The following SLC25A26 variants were observed in gnomAD, a reference collection of about 807,000 sequenced individuals.
SLC25A26 encodes mitochondrial S-adenosylmethionine carrier protein.
Under a neutral mutation model 37.8 loss-of-function variants are expected in SLC25A26, and 36 were observed. That is an observed-to-expected ratio of 0.95 (90% CI 0.73 to 1.26). The LOEUF (loss-of-function observed/expected upper bound fraction) is 1.26, where lower values mean the gene tolerates loss of function less well. Among genes scored for constraint, SLC25A26 ranks in the 50% most tolerant of loss-of-function variants. The pLI is 0.00. For missense variants in SLC25A26, 390 were observed against 331.1 expected, an observed-to-expected ratio of 1.18 and a Z score of -1.38; for synonymous variants, 129 against 122.5, an observed-to-expected ratio of 1.05 and a Z score of -0.35.
At chr3:66,208,870 G>GTATATATA (rs1553655942) in intron 1 of SLC25A26, among the ~76,000 whole-genome samples, 38 of 55,902 alleles carry the variant, frequency 6.8e-4, no homozygotes, top group South Asian at 4.6e-3. Flanking sequence ...ATGGGTGTGT[G>GTATATATA]TATATATATA....
chr3:66,268,493 A>G (rs1459522743), intron 5 of SLC25A26, among the ~76,000 whole-genome samples: 1 of 152,236 alleles, frequency 6.6e-6, no homozygotes, highest in Admixed American at 6.5e-5. Context: ...TATATCTGAG[A>G]ACAGTTTTAT....
intron 5 of SLC25A26, among the ~76,000 whole-genome samples, chr3:66,264,686 C>T (rs760354833): frequency 7.6e-4 from 116 of 152,162 alleles, no homozygotes; most frequent in Non-Finnish European, 1.3e-3. Flanking sequence ...CACCACTGGT[C>T]CATGGAAAAT....
chr3:66,254,057 A>C (rs142807171), intron 3 of SLC25A26, among the ~76,000 whole-genome samples: 1 of 152,332 alleles, frequency 6.6e-6, no homozygotes, highest in East Asian at 1.9e-4. Flanking sequence ...TAATACCTAC[A>C]ACGATTGAAC....
At chr3:66,170,471 T>C (rs1461098388) in intron 1 of SLC25A26, among the ~76,000 whole-genome samples, 7 of 152,192 alleles carry the variant, frequency 4.6e-5, no homozygotes, top group South Asian at 2.1e-4. Flanking sequence ...ACCACACTTA[T>C]AGAATTGTGA....
chr3:66,219,180 T>C (rs1244392512), upstream of SLC25A26, among the ~76,000 whole-genome samples: 13 of 152,144 alleles, frequency 8.5e-5, no homozygotes, highest in Non-Finnish European at 7.3e-5. Flanking sequence ...AGTGAAAGCT[T>C]ATTAATAGAA....
At chr3:66,230,904 G>A (rs1363247546) in intron 1 of SLC25A26, among the ~76,000 whole-genome samples, 3 of 151,874 alleles carry the variant, frequency 2.0e-5, no homozygotes, top group Admixed American at 6.6e-5. Context: ...ACTGGGTGCA[G>A]TGGCTTATGC....
Position 66,343,966 on chromosome 3 carries a change from T to G in SLC25A26, c.454-2398T>G, listed in dbSNP as rs77765111. 2.0e-3 allele frequency among the ~76,000 whole-genome samples: 312 copies of G among 152,308 alleles called. 2 individuals carry two copies. Among genetic ancestry groups the G allele is most frequent in the African/African-American group, 7.1e-3 (297 of 41,544 alleles). ...TCTATTTAACTACTGTTATGGAACT[T>G]CGACATTCGGGGGGGCTGGCTGCCT... On this transcript the variant is annotated intron_variant, in intron 5 of 9. Coordinates refer to ENST00000354883, the MANE Select transcript of SLC25A26 (RefSeq NM_001379210.1).
rs890053125 is a variant in SLC25A26, at chr3:66,243,391, T to C, written c.300+79T>C. 5.4e-5 allele frequency: 37 copies of C among 688,134 alleles called. No individual in the cohort carries two copies. The African/African-American group carries it at 6.4e-4, about 12-fold the overall frequency. The allele number at this position is 688,134 out of a possible 1,614,324, so 42.6% of individuals were successfully genotyped here. On this transcript the variant is annotated intron_variant, in intron 3 of 9. Transcript: ENST00000354883. Reference sequence around the variant, plus strand: ...ATTTTCAGTACATATTTATTTCATTTTTTAAAAATTATTTTTAAATTATGA... The same window carrying C: ...ATTTTCAGTACATATTTATTTCATTCTTTAAAAATTATTTTTAAATTATGA...
chr3:66,352,420 C>CGTTTTTT (rs898701532), intron 6 of SLC25A26, among the ~76,000 whole-genome samples: 5 of 140,430 alleles, frequency 3.6e-5, no homozygotes, highest in Non-Finnish European at 7.4e-5. Flanking sequence ...CGCCTCCCCT[C>CGTTTTTT]GTTTTTTGTT....
intron 5 of SLC25A26, among the ~76,000 whole-genome samples, chr3:66,296,074 A>G (rs1378911272): frequency 1.6e-4 from 25 of 152,044 alleles, no homozygotes; most frequent in Admixed American, 1.5e-3. Flanking sequence ...CCGTGATCGC[A>G]CCATTGCACT....
chr3:66,193,657 GA>G (rs1399660801), intron 1 of SLC25A26, among the ~76,000 whole-genome samples: 39 of 147,456 alleles, frequency 2.6e-4, no homozygotes, highest in Admixed American at 7.5e-4. Flanking sequence ...TTCTAACCTT[GA>G]AAAAAAAAAC....
chr3:66,221,258 C>T, intron 1 of SLC25A26, 131 bp downstream of exon 1: 1 of 1,023,084 alleles, frequency 9.8e-7, no homozygotes, highest in Non-Finnish European at 1.3e-6. Context: ...GCAGCCAGGT[C>T]TGAGAGGGAG....
chr3:66,176,767 G>T (rs1336524673), intron 1 of SLC25A26, among the ~76,000 whole-genome samples: 1 of 152,128 alleles, frequency 6.6e-6, no homozygotes, highest in Non-Finnish European at 1.5e-5. Context: ...TCTCCTAAGG[G>T]TCCTCTCCTG....
chr3:66,179,284 G>T (rs1383296204), intron 1 of SLC25A26, among the ~76,000 whole-genome samples: 1 of 152,144 alleles, frequency 6.6e-6, no homozygotes, highest in Non-Finnish European at 1.5e-5. Flanking sequence ...TTGCCGATTT[G>T]ATATTGATAT....
intron 5 of SLC25A26, among the ~76,000 whole-genome samples, chr3:66,308,228 G>T (rs918731509): frequency 6.6e-6 from 1 of 152,088 alleles, no homozygotes. Context: ...TCTCTTGTAA[G>T]TTGTATTCCT....
intron 1 of SLC25A26, among the ~76,000 whole-genome samples, chr3:66,200,041 C>T (rs1429788039): frequency 6.6e-6 from 1 of 152,170 alleles, no homozygotes; most frequent in Non-Finnish European, 1.5e-5. Flanking sequence ...CTTGCCTAAA[C>T]TTTTGCTGCT....
chr3:66,190,844 G>C (rs2070928519), intron 1 of SLC25A26, among the ~76,000 whole-genome samples: 1 of 152,224 alleles, frequency 6.6e-6, no homozygotes, highest in Non-Finnish European at 1.5e-5. Flanking sequence ...TGAGGACAGT[G>C]TGTAAATATG....
intron 5 of SLC25A26, among the ~76,000 whole-genome samples, chr3:66,322,997 GTAT>G (rs2075737300): frequency 6.8e-6 from 1 of 146,518 alleles, no homozygotes; most frequent in African/African-American, 2.4e-5. Flanking sequence ...GATAAGTAAG[GTAT>G]TATAAAACTC....
rs540818929 is a variant in SLC25A26, at chr3:66,244,548, G to A, written c.300+1236G>A. Among the ~76,000 whole-genome samples the A allele has an allele frequency of 3.9e-5, 6 of 152,282 alleles. No homozygotes were observed. The South Asian group carries it at 1.0e-3, about 26-fold the overall frequency. Reference sequence around the variant, plus strand: ...GCATAATTGGAACTTAATAACAATAGCCCACAGGGCCAGTTTTAGTGAATA... The same window carrying A: ...GCATAATTGGAACTTAATAACAATAACCCACAGGGCCAGTTTTAGTGAATA... On this transcript the variant is annotated intron_variant, in intron 3 of 9. Transcript: ENST00000354883.
Sources: gnomAD v4.1 joint callset for allele counts (sites outside exome capture counted in the v4.1 genomes callset) on GRCh38, gnomAD v4.1.1 for gene constraint, MANE v1.5 for transcripts, NCBI Gene and HGNC (gene_info 2026-07-23, HGNC 2026-07-21) for gene names.